Variants in RALGAPA1 observed in about 807,000 individuals in gnomAD.
RALGAPA1 encodes Ral GTPase activating protein catalytic subunit alpha 1, also known as ral GTPase-activating protein subunit alpha-1.
RALGAPA1 carries 52 observed loss-of-function variants against 269.6 expected under a neutral mutation model. The ratio of observed to expected loss-of-function variants is 0.19; its 90% CI spans 0.15 to 0.24. RALGAPA1 has a LOEUF of 0.24. Among genes scored for constraint, RALGAPA1 ranks in the 10% least tolerant of loss-of-function variants. RALGAPA1 has a pLI of 1.00. For missense variants in RALGAPA1, 1,917 were observed against 3,013.9 expected (o/e 0.64, Z 8.52); for synonymous variants, 817 against 1,008.3 (o/e 0.81, Z 3.60).
intron 1 of RALGAPA1, among the ~76,000 whole-genome samples, chr14:35,805,642 G>A (rs2077312386): frequency 6.6e-6 from 1 of 151,150 alleles, no homozygotes; most frequent in Non-Finnish European, 1.5e-5. Flanking sequence ...AGAAAACTTT[G>A]GGAGGTTATA....
intron 13 of RALGAPA1, among the ~76,000 whole-genome samples, chr14:35,725,617 T>C (rs2069824900): frequency 6.6e-6 from 1 of 151,950 alleles, no homozygotes; most frequent in Non-Finnish European, 1.5e-5. Context: ...TTGAGAATCA[T>C]ACCAATCTCA....
intron 31 of RALGAPA1, among the ~76,000 whole-genome samples, chr14:35,638,453 C>T (rs1263346755): frequency 6.6e-6 from 1 of 151,186 alleles, no homozygotes; most frequent in Non-Finnish European, 1.5e-5. Flanking sequence ...TGGTAACCTC[C>T]AATATAAACA....
chr14:35,719,136 C>T (rs572835568), intron 16 of RALGAPA1, among the ~76,000 whole-genome samples: 2 of 152,214 alleles, frequency 1.3e-5, no homozygotes, highest in East Asian at 1.9e-4. Context: ...CAAGACAAGC[C>T]TGGCCAACAG....
chr14:35,804,005 G>C (rs1472884964), intron 1 of RALGAPA1, among the ~76,000 whole-genome samples: 3 of 151,814 alleles, frequency 2.0e-5, no homozygotes, highest in Non-Finnish European at 4.4e-5. Context: ...CATCAAAGAA[G>C]TTATACAATG....
intron 13 of RALGAPA1, among the ~76,000 whole-genome samples, chr14:35,726,339 A>T (rs920070431): frequency 6.6e-6 from 1 of 152,256 alleles, no homozygotes; most frequent in South Asian, 2.1e-4. Context: ...GCTTAGCTAC[A>T]TGAAATAAAA....
chr14:35,553,272 A>C (rs922311949), intron 39 of RALGAPA1, among the ~76,000 whole-genome samples: 20 of 152,106 alleles, frequency 1.3e-4, no homozygotes, highest in African/African-American at 4.8e-4. Context: ...CATGTGCAAG[A>C]ACTCTTTGAT....
chr14:35,725,636 A>T (rs1472357635), intron 13 of RALGAPA1, among the ~76,000 whole-genome samples: 2 of 152,112 alleles, frequency 1.3e-5, no homozygotes, highest in Non-Finnish European at 2.9e-5. Context: ...CAATTTCAGA[A>T]ATTATATGAC....
intron 39 of RALGAPA1, among the ~76,000 whole-genome samples, chr14:35,559,133 C>T (rs2055912085): frequency 6.6e-6 from 1 of 152,060 alleles, no homozygotes; most frequent in Non-Finnish European, 1.5e-5. Flanking sequence ...TTTAAATAGG[C>T]TCTATTCTAG....
intron 37 of RALGAPA1, among the ~76,000 whole-genome samples, chr14:35,578,353 G>C (rs1209330010): frequency 6.7e-6 from 1 of 148,880 alleles, no homozygotes; most frequent in African/African-American, 2.5e-5. Context: ...TCAGGAGATA[G>C]GGGTATACGT....
At chr14:35,772,646 C>A (rs971546666) in intron 3 of RALGAPA1, among the ~76,000 whole-genome samples, 1 of 152,190 alleles carries the variant, frequency 6.6e-6, no homozygotes, top group African/African-American at 2.4e-5. Flanking sequence ...AAACACTAGG[C>A]ACTTTATTAT....
Position 35,738,604 on chromosome 14 carries a change from G to C in RALGAPA1, c.1496C>G (p.Ala499Gly). ...AGCACCTTGGTAGGAGCCGTTTTTTGCCCAACTGGAATTTCGAACATGATC... is the reference window on the plus strand; with the variant it reads ...AGCACCTTGGTAGGAGCCGTTTTTTCCCCAACTGGAATTTCGAACATGATC... ...TADHVRNSSW[A>G]KNGSYQGALH... The change falls in exon 12 of 42, where the codon GCA becomes GGA. Residue 499 changes from alanine to glycine, a missense_variant. Physicochemically the swap from Ala to Gly is moderately conservative, Grantham distance 60. This residue lies in a region of RALGAPA1 where 462 missense variants were observed against 725.6 expected (regional missense o/e 0.64). Transcript: ENST00000680220. 6.2e-7 allele frequency: 1 copy of C among 1,603,554 alleles called. No homozygotes were observed. The highest frequency in any genetic ancestry group is 1.1e-5 in the South Asian group (1 of 90,834).
intron 31 of RALGAPA1, among the ~76,000 whole-genome samples, chr14:35,639,705 C>T (rs566821849): frequency 2.2e-4 from 33 of 152,068 alleles, no homozygotes; most frequent in African/African-American, 6.7e-4. Flanking sequence ...TTTCGGAGGC[C>T]GAGGTGGGCG....
chr14:35,772,352 G>A (rs780378208), intron 3 of RALGAPA1, among the ~76,000 whole-genome samples: 3 of 152,098 alleles, frequency 2.0e-5, no homozygotes, highest in African/African-American at 4.8e-5. Context: ...CACTGCACCC[G>A]GACAGAGAGC....
At chr14:35,766,348 C>A in intron 4 of RALGAPA1, 1 of 1,299,076 alleles carries the variant, frequency 7.7e-7, no homozygotes, top group Non-Finnish European at 1.1e-6. Flanking sequence ...CCCAGTTTGA[C>A]AAATGTGAGC....
chr14:35,779,708 A>G (rs189803402), intron 1 of RALGAPA1, among the ~76,000 whole-genome samples: 16 of 152,292 alleles, frequency 1.1e-4, no homozygotes, highest in Middle Eastern at 3.4e-3. Flanking sequence ...CAACAAAAGC[A>G]AACATGAATC....
intron 26 of RALGAPA1, among the ~76,000 whole-genome samples, chr14:35,670,437 T>G (rs2064307230): frequency 6.6e-6 from 1 of 152,238 alleles, no homozygotes; most frequent in East Asian, 1.9e-4. Context: ...TTTGATCATG[T>G]CACTCCTTGC....
chr14:35,647,647 A>C (rs1227878517), intron 31 of RALGAPA1, among the ~76,000 whole-genome samples: 1 of 152,156 alleles, frequency 6.6e-6, no homozygotes, highest in Non-Finnish European at 1.5e-5. Flanking sequence ...ACAGAGAGGA[A>C]TGTATAATTA....
chr14:35,800,582 G>C (rs1427861379), intron 1 of RALGAPA1, among the ~76,000 whole-genome samples: 1 of 152,218 alleles, frequency 6.6e-6, no homozygotes, highest in Admixed American at 6.5e-5. Flanking sequence ...TGAGATGCTA[G>C]TTAGGGGAAA....
chr14:35,728,432 C>T lies in RALGAPA1; in HGVS notation c.1666G>A (p.Asp556Asn). 1 of 1,608,740 alleles carries T rather than the reference C, an allele frequency of 6.2e-7. No homozygotes were observed. Among genetic ancestry groups the T allele is most frequent in the Non-Finnish European group, 8.5e-7 (1 of 1,178,140 alleles). ...EIKNLLDEHT[D>N]MCKRILNIYR... Reference sequence around the variant, plus strand: ...ATGTTAAGAATGCGTTTACACATATCTGTGTGTTCATCCAGAAGATTTTTT... The same window carrying T: ...ATGTTAAGAATGCGTTTACACATATTTGTGTGTTCATCCAGAAGATTTTTT... The change falls in exon 13 of 42, where the codon GAT (aspartate) becomes AAT (asparagine). Residue 556 changes from aspartate to asparagine, a missense_variant. Transcript: ENST00000680220.
Sources: gnomAD v4.1 joint callset for allele counts (sites outside exome capture counted in the v4.1 genomes callset) on GRCh38, gnomAD v4.1.1 for gene constraint, gnomAD v4.1.1 regional missense constraint, MANE v1.5 for transcripts, NCBI Gene and HGNC (gene_info 2026-07-23, HGNC 2026-07-21) for gene names.